The following DSC1 variants were observed in gnomAD, a reference collection of about 807,000 sequenced individuals.
DSC1 encodes the protein desmocollin-1.
Under a neutral mutation model 98.8 loss-of-function variants are expected in DSC1, and 79 were observed. The observed-to-expected ratio is 0.80, with a 90% CI of 0.67 to 0.96. The LOEUF (loss-of-function observed/expected upper bound fraction) is 0.96. Ranked by LOEUF, DSC1 falls within the 50% of genes least tolerant of loss-of-function variation. The pLI, the probability that DSC1 is intolerant of heterozygous loss-of-function variation, is 0.00. For synonymous variants in DSC1, 405 were observed against 372.1 expected, an observed-to-expected ratio of 1.09 and a Z score of -1.02; for missense variants, 1,115 against 1,075.9, an observed-to-expected ratio of 1.04 and a Z score of -0.51.
chr18:31,143,229 G>C lies in DSC1; in HGVS notation c.1074+428C>G, dbSNP rs1461893141. ...AGGAAGAGCTTGTTTGGAGTTGTGA[G>C]CCAGCCTGTACTACTGTCTCCGTAG... On this transcript the variant is annotated intron_variant, in intron 8 of 15. Coordinates refer to ENST00000257198, the MANE Select transcript of DSC1 (RefSeq NM_024421.2). Among the ~76,000 whole-genome samples, 3 of 151,826 alleles carry C rather than the reference G, an allele frequency of 2.0e-5. No individual in the cohort carries two copies. The East Asian group carries it at 5.8e-4, about 29-fold the overall frequency.
At chr18:31,158,828 C>T (rs1270666728) in intron 2 of DSC1, among the ~76,000 whole-genome samples, 1 of 152,036 alleles carries the variant, frequency 6.6e-6, no homozygotes, top group Non-Finnish European at 1.5e-5. Context: ...ATTTTGGCAG[C>T]AGATTAGTTT....
At position 31,132,549 on chromosome 18, in the gene DSC1, G is replaced by T. The variant is rs763522101; in HGVS notation, c.2238+19C>A. 9.9e-6 allele frequency: 16 copies of T among 1,611,910 alleles called. No homozygotes were observed. Among genetic ancestry groups the T allele is most frequent in the Middle Eastern group, 3.3e-4 (2 of 6,058 alleles). ...ATTTGTTCACCGTACAATTCAAAGG[G>T]ATGTGAAATCTGATTTACCGTTACT... is the stretch of plus-strand genomic sequence containing the variant. On this transcript the variant is annotated intron_variant, in intron 14 of 15. Coordinates refer to ENST00000257198, the MANE Select transcript of DSC1 (RefSeq NM_024421.2).
intron 5 of DSC1, among the ~76,000 whole-genome samples, chr18:31,152,804 G>C (rs187313259): frequency 1.3e-5 from 2 of 151,930 alleles, no homozygotes; most frequent in Non-Finnish European, 1.5e-5. Flanking sequence ...AGTATATTAC[G>C]TTAAAAACAT....
intron 11 of DSC1, among the ~76,000 whole-genome samples, chr18:31,136,668 A>G (rs184659680): frequency 1.4e-4 from 22 of 152,318 alleles, no homozygotes; most frequent in Middle Eastern, 3.4e-3. Context: ...ACTAACACCA[A>G]TGATAGCTGA....
intron 11 of DSC1, 142 bp from the exon 12 acceptor site, chr18:31,134,926 C>A: frequency 2.8e-6 from 2 of 706,362 alleles, no homozygotes; most frequent in Non-Finnish European, 4.6e-6. Context: ...TTTCAGACAC[C>A]AAGACTACAA....
intron 4 of DSC1, among the ~76,000 whole-genome samples, chr18:31,155,602 A>C (rs966797505): frequency 1.3e-5 from 2 of 152,138 alleles, no homozygotes; most frequent in African/African-American, 4.8e-5. Flanking sequence ...TATACTCCAA[A>C]ATTTCAAAAC....
At chr18:31,131,403 TATTTTCAAAGGTGA>T in intron 15 of DSC1, 177 bp downstream of exon 15, 4 of 791,248 alleles carry the variant, frequency 5.1e-6, no homozygotes, top group Non-Finnish European at 5.8e-6. Context: ...TTGTAAACTG[TATTTTCAAAGGTGA>T]ATTTTCAAAG....
intron 1 of DSC1, among the ~76,000 whole-genome samples, chr18:31,161,745 T>A (rs541657158): frequency 6.6e-6 from 1 of 152,308 alleles, no homozygotes; most frequent in South Asian, 2.1e-4. Flanking sequence ...ATCGTCTCCC[T>A]AAGCAGTTAC....
intron 6 of DSC1, among the ~76,000 whole-genome samples, chr18:31,147,647 A>C (rs2144941979): frequency 6.6e-6 from 1 of 152,258 alleles, no homozygotes; most frequent in South Asian, 2.1e-4. Flanking sequence ...ATCATCCTAA[A>C]CGCTGGTTAC....
chr18:31,137,296 T>C (rs77946924), intron 11 of DSC1, among the ~76,000 whole-genome samples: 111 of 152,312 alleles, frequency 7.3e-4, no homozygotes, highest in African/African-American at 2.2e-3. Context: ...CCCTTAAATA[T>C]TTGTTCTCTT....
Position 31,139,795 on chromosome 18 carries a change from A to C in DSC1, c.1616T>G (p.Phe539Cys). ...AATATTGTATTGGTTGTTTTTTACA[A>C]ATTTGGATTCTCTATCTAGTACTTT... Reference protein sequence around the residue: ...TLKVLDRESKFVKNNQYNISV... With the variant: ...TLKVLDRESKCVKNNQYNISV... The change falls in exon 11 of 16, where the codon TTT becomes TGT. Residue 539 changes from phenylalanine (F) to cysteine (C), a missense_variant. Transcript: ENST00000257198. 6.2e-7 allele frequency: 1 copy of C among 1,611,224 alleles called. No homozygotes were observed. Among genetic ancestry groups the C allele is most frequent in the Non-Finnish European group, 8.5e-7 (1 of 1,179,008 alleles).
chr18:31,161,106 T>C (rs1198858719), intron 1 of DSC1, among the ~76,000 whole-genome samples: 1 of 152,146 alleles, frequency 6.6e-6, no homozygotes, highest in African/African-American at 2.4e-5. Flanking sequence ...GTATATAGTA[T>C]AGCTTATTGT....
chr18:31,134,754 A>G lies in DSC1; in HGVS notation c.1694T>C (p.Val565Ala), dbSNP rs139800857. Reference sequence around the variant, plus strand: ...GTGATCGTTGTAATCATCCAAATGAACTACTAATGTTCCAGTGCAAGATCG... The same window carrying G: ...GTGATCGTTGTAATCATCCAAATGAGCTACTAATGTTCCAGTGCAAGATCG... ...VGRSCTGTLV[V>A]HLDDYNDHAP... The change falls in exon 12 of 16, where the codon GTT becomes GCT. Residue 565 changes from valine to alanine, a missense_variant. Coordinates refer to ENST00000257198, the MANE Select transcript of DSC1 (RefSeq NM_024421.2). The G allele has an allele frequency of 2.3e-4, 371 of 1,612,778 alleles. No individual in the cohort carries two copies. The highest frequency in any genetic ancestry group is 3.0e-4 in the Non-Finnish European group (359 of 1,179,088).
Position 31,130,561 on chromosome 18 carries a change from G to A in DSC1, c.2638C>T (p.Leu880=). 6.2e-7 allele frequency: 1 copy of A among 1,614,122 alleles called. No individual in the cohort carries two copies. The change falls in exon 16 of 16, where the codon CTG becomes TTG. Residue 880 remains leucine (L), a synonymous_variant. Coordinates refer to ENST00000257198, the MANE Select transcript of DSC1 (RefSeq NM_024421.2). ...GCTAATGTCCTAAATTTGGGTTCCA[G>A]GTGATCTAGAAACTCCAGTCCCTCT... ...EEEGLEFLDH[L]EPKFRTLAKT... is the part of the protein sequence containing the mutation.
rs773655264 is a variant in DSC1 at position 31,156,111 on chromosome 18, G to A, written c.403C>T (p.Arg135Ter). ...AATGAAGCTGGAATAGGAGCCCATC[G>A]TCTCTTGCTGCGCTTGAGGGCTGTG... is the stretch of plus-strand genomic sequence containing the variant. The part of the protein sequence containing the change: ...KDTALKRSKR[R>*]WAPIPASLME... Residue 135 changes from arginine (R) to a stop codon, truncating the protein, a stop_gained, in exon 4 of 16, where the codon CGA (arginine) becomes TGA (stop). Transcript: ENST00000257198. LOFTEE classifies it high-confidence loss of function. 16 of 1,614,186 alleles carry A rather than the reference G, an allele frequency of 9.9e-6. No individual in the cohort carries two copies. The East Asian group carries it at 1.3e-4, about 13-fold the overall frequency.
At chr18:31,153,569 C>T (rs1324796699) in intron 5 of DSC1, among the ~76,000 whole-genome samples, 3 of 152,084 alleles carry the variant, frequency 2.0e-5, no homozygotes. Context: ...TATGAAACAT[C>T]TAAAGTGGAA....
At chr18:31,135,831 A>T (rs1388104986) in intron 11 of DSC1, among the ~76,000 whole-genome samples, 2 of 152,178 alleles carry the variant, frequency 1.3e-5, no homozygotes, top group Non-Finnish European at 2.9e-5. Flanking sequence ...TAATTGATGT[A>T]ATTTTTCATG....
chr18:31,130,659 A>G lies in DSC1; in HGVS notation c.2540T>C (p.Val847Ala). Residue 847 changes from valine to alanine, a missense_variant, in exon 16 of 16, where the codon GTT (valine) becomes GCT (alanine). Coordinates refer to ENST00000257198, the MANE Select transcript of DSC1 (RefSeq NM_024421.2). ...TTTGCCTTCATAGTTATACGAACAA[A>G]CGTAGTCTTCACAATGTTTATGCTC... ...DEEHKHCEDYVCSYNYEGKGS... is the reference protein window; with the variant it reads ...DEEHKHCEDYACSYNYEGKGS... 6.2e-7 allele frequency: 1 copy of G among 1,614,148 alleles called. No individual in the cohort carries two copies. The highest frequency in any genetic ancestry group is 1.1e-5 in the South Asian group (1 of 91,082).
intron 11 of DSC1, among the ~76,000 whole-genome samples, chr18:31,137,441 G>A (rs1010049894): frequency 2.6e-5 from 4 of 152,134 alleles, no homozygotes; most frequent in African/African-American, 4.8e-5. Flanking sequence ...GCAGTGAAAT[G>A]TATAACGTGG....
Sources: allele counts gnomAD v4.1 joint callset (sites outside exome capture counted in the v4.1 genomes callset), GRCh38; gene constraint gnomAD v4.1.1; transcripts MANE v1.5; gene names NCBI Gene and HGNC (gene_info 2026-07-23, HGNC 2026-07-21).